CD163L1: variants seen among roughly 807,000 people sequenced by gnomAD.
CD163L1 encodes CD163 molecule like 1.
In CD163L1, 124 loss-of-function variants were observed where a neutral mutation model predicts 165.4. The observed-to-expected ratio is 0.75, with a 90% CI of 0.65 to 0.87. The LOEUF is 0.87. CD163L1 is among the 40% of genes least tolerant of loss of function. CD163L1 has a pLI of 0.00. For missense variants in CD163L1, 1,525 were observed against 1,799.9 expected (o/e 0.85, Z 2.76); for synonymous variants, 585 against 662.2 (o/e 0.88, Z 1.79).
intron 4 of CD163L1, among the ~76,000 whole-genome samples, chr12:7,413,477 T>A (rs1948177712): frequency 6.6e-6 from 1 of 152,200 alleles, no homozygotes; most frequent in Non-Finnish European, 1.5e-5. Context: ...CAGCTCATTA[T>A]CTCTACCAAG....
At chr12:7,326,098 T>A in the CD163L1 span, among the ~76,000 whole-genome samples, 1 of 152,224 alleles carries the variant, frequency 6.6e-6, no homozygotes, top group Non-Finnish European at 1.5e-5. Flanking sequence ...CCTCAGTAAT[T>A]GTCTAACTGG....
intron 19 of CD163L1, among the ~76,000 whole-genome samples, chr12:7,355,405 T>C (rs1946754577): frequency 6.6e-6 from 1 of 152,128 alleles, no homozygotes; most frequent in African/African-American, 2.4e-5. Flanking sequence ...AAAAAGAGTG[T>C]TAAATAACAC....
intron 2 of CD163L1, among the ~76,000 whole-genome samples, chr12:7,438,602 G>T (rs1325843785): frequency 6.6e-6 from 1 of 152,186 alleles, no homozygotes; most frequent in Non-Finnish European, 1.5e-5. Flanking sequence ...ATCATTCTAA[G>T]AGAAACAAAC....
At position 7,368,278 on chromosome 12, in the gene CD163L1, C is replaced by A; in HGVS notation, c.4073-81G>T. The A allele has an allele frequency of 1.4e-6, 1 of 717,082 alleles. No individual in the cohort carries two copies. The highest frequency in any genetic ancestry group is 1.9e-5 in the South Asian group (1 of 54,010). 44.4% of individuals were successfully genotyped at this position (717,082 alleles called of 1,614,324 possible). ...TTATACATTGTAAAAAAAACTGGTT[C>A]CCTAGTTGCTGAGAAGAATAATGGC... On this transcript the variant is annotated intron_variant, in intron 16 of 19. Transcript: ENST00000313599. This position sits in a 1 kb window ranked among gnomAD's most constrained non-coding sequence, Gnocchi z 4.3.
intron 4 of CD163L1, among the ~76,000 whole-genome samples, chr12:7,410,600 T>A (rs1266594794): frequency 7.5e-6 from 1 of 133,072 alleles, no homozygotes; most frequent in Non-Finnish European, 1.5e-5. Context: ...CGAGAGTCCA[T>A]ATCCAAAAAA....
At chr12:7,356,029 C>T (rs1483811929) in intron 19 of CD163L1, among the ~76,000 whole-genome samples, 2 of 152,048 alleles carry the variant, frequency 1.3e-5, no homozygotes, top group African/African-American at 2.4e-5. Context: ...ATATAGAACC[C>T]TAATTTCAAG....
chr12:7,421,609 A>T (rs370585643), intron 4 of CD163L1, among the ~76,000 whole-genome samples: 1 of 8,904 alleles, frequency 1.1e-4, no homozygotes, highest in African/African-American at 2.0e-4. Flanking sequence ...ATGTACACAT[A>T]TACATATATG....
At chr12:7,439,186 A>T in intron 2 of CD163L1, 1 of 1,578,116 alleles carries the variant, frequency 6.3e-7, no homozygotes, top group Non-Finnish European at 8.6e-7. Context: ...AGGGGGAATC[A>T]TTAAGTACAC....
rs1448080863 is a variant in CD163L1 at position 7,432,396 on chromosome 12, A to G, written c.766+20T>C. On this transcript the variant is annotated intron_variant, in intron 4 of 19. Transcript: ENST00000313599. This position sits in a 1 kb window ranked among gnomAD's most constrained non-coding sequence, Gnocchi z 4.2. ...TAAACAAATTGTTCCTTTCTTCTAC[A>G]TGATGTCTTGGGTTCTTACCATAAC... The G allele has an allele frequency of 3.2e-6, 5 of 1,558,452 alleles. No homozygotes were observed. The highest frequency in any genetic ancestry group is 2.2e-5 in the East Asian group (1 of 44,514).
At chr12:7,328,243 A>G in the CD163L1 span, 1 of 1,442,060 alleles carries the variant, frequency 6.9e-7, no homozygotes, top group Non-Finnish European at 9.5e-7. Context: ...GACAATTGGA[A>G]GGATGGAATC....
intron 2 of CD163L1, among the ~76,000 whole-genome samples, chr12:7,434,428 A>G (rs927339624): frequency 6.6e-6 from 1 of 152,192 alleles, no homozygotes; most frequent in Non-Finnish European, 1.5e-5. Flanking sequence ...TCAACTTAAA[A>G]CAAGTGAAGT....
chr12:7,413,346 A>G (rs1275210912), intron 4 of CD163L1, among the ~76,000 whole-genome samples: 2 of 152,040 alleles, frequency 1.3e-5, no homozygotes, highest in African/African-American at 4.8e-5. Flanking sequence ...GTCTCATCTC[A>G]CCTAGAACAC....
At chr12:7,407,483 C>A (rs1192322232) in intron 4 of CD163L1, among the ~76,000 whole-genome samples, 1 of 151,802 alleles carries the variant, frequency 6.6e-6, no homozygotes, top group East Asian at 1.9e-4. Flanking sequence ...TATTAAAATG[C>A]TCTGTTGATT....
chr12:7,395,229 T>C (rs1947747472), intron 8 of CD163L1, among the ~76,000 whole-genome samples: 1 of 151,988 alleles, frequency 6.6e-6, no homozygotes, highest in African/African-American at 2.4e-5. Context: ...ATTAAGAAAA[T>C]GTGGCACATA....
At chr12:7,392,808 C>T (rs1186970843) in intron 8 of CD163L1, among the ~76,000 whole-genome samples, 1 of 152,118 alleles carries the variant, frequency 6.6e-6, no homozygotes, top group African/African-American at 2.4e-5. Flanking sequence ...CGCAAATAAA[C>T]TAGAAAATCG....
At chr12:7,403,922 C>A in intron 5 of CD163L1, 67 bp from the exon 6 acceptor site, 1 of 1,267,330 alleles carries the variant, frequency 7.9e-7, no homozygotes, top group Non-Finnish European at 1.1e-6. Flanking sequence ...TCCCTCTCCT[C>A]CAACCCCTCC....
chr12:7,371,047 G>A (rs1420178683), intron 14 of CD163L1, among the ~76,000 whole-genome samples: 1 of 152,132 alleles, frequency 6.6e-6, no homozygotes, highest in Non-Finnish European at 1.5e-5. Context: ...AAGATCTGAT[G>A]GTTTTATACA....
intron 4 of CD163L1, among the ~76,000 whole-genome samples, chr12:7,419,680 A>G (rs1261685986): frequency 6.6e-6 from 1 of 152,126 alleles, no homozygotes; most frequent in Non-Finnish European, 1.5e-5. Context: ...AAATTAATGT[A>G]TACAAATCAG....
At chr12:7,344,226 A>G (rs1241474674), downstream of CD163L1, among the ~76,000 whole-genome samples, 10 of 151,946 alleles carry the variant, frequency 6.6e-5, no homozygotes, top group Admixed American at 5.2e-4. Flanking sequence ...GACTACAGAC[A>G]TGTGTCACCT....
Sources: allele counts gnomAD v4.1 joint callset (sites outside exome capture counted in the v4.1 genomes callset), GRCh38; gene constraint gnomAD v4.1.1; non-coding constraint Gnocchi (gnomAD v3.1); transcripts MANE v1.5; gene names NCBI Gene and HGNC (gene_info 2026-07-23, HGNC 2026-07-21).